The following EXOC4 variants were observed in gnomAD, a reference collection of about 807,000 sequenced individuals.
The protein encoded by EXOC4 is exocyst complex component 4, also known as SEC8-like 1.
EXOC4 carries 71 observed loss-of-function variants against 107.2 expected under a neutral mutation model. The observed-to-expected ratio is 0.66, with a 90% CI of 0.55 to 0.81. The LOEUF (loss-of-function observed/expected upper bound fraction) is 0.81. Among genes scored for constraint, EXOC4 ranks in the 30% least tolerant of loss-of-function variants. The pLI, the probability that EXOC4 is intolerant of heterozygous loss-of-function variation, is 0.00. For synonymous variants in EXOC4, 456 were observed against 441.2 expected, an observed-to-expected ratio of 1.03 and a Z score of -0.42; for missense variants, 1,108 against 1,189.6, an observed-to-expected ratio of 0.93 and a Z score of 1.01.
chr7:134,051,199 A>T (rs929015151), intron 17 of EXOC4, among the ~76,000 whole-genome samples: 2 of 152,226 alleles, frequency 1.3e-5, no homozygotes, highest in African/African-American at 2.4e-5. Flanking sequence ...CTGAGAAACC[A>T]GATCTTGAGA....
At chr7:133,824,722 G>A (rs768692388) in intron 11 of EXOC4, among the ~76,000 whole-genome samples, 1 of 152,044 alleles carries the variant, frequency 6.6e-6, no homozygotes, top group Non-Finnish European at 1.5e-5. Context: ...TCAGCTTCTG[G>A]TGGCTCCCGT....
intron 6 of EXOC4, among the ~76,000 whole-genome samples, chr7:133,369,207 A>G (rs928194603): frequency 2.6e-5 from 4 of 152,186 alleles, no homozygotes; most frequent in Non-Finnish European, 4.4e-5. Flanking sequence ...GGGACAAGCT[A>G]GTGCAGATTT....
At chr7:133,820,154 A>ATTTTTTTTTTTTTTTTTTTTTTTTG (rs35640945) in intron 11 of EXOC4, among the ~76,000 whole-genome samples, 1 of 70,300 alleles carries the variant, frequency 1.4e-5, no homozygotes, top group African/African-American at 5.4e-5. Flanking sequence ...CACCTGCTTC[A>ATTTTTTTTTTTTTTTTTTTTTTTTG]TTTTTTTTTT....
At chr7:134,014,494 A>G (rs1428934644) in intron 17 of EXOC4, among the ~76,000 whole-genome samples, 1 of 152,232 alleles carries the variant, frequency 6.6e-6, no homozygotes, top group Non-Finnish European at 1.5e-5. Flanking sequence ...GGCCACAGAA[A>G]GACATGATGT....
chr7:133,499,829 T>G (rs1005554235), intron 9 of EXOC4, among the ~76,000 whole-genome samples: 11 of 152,132 alleles, frequency 7.2e-5, no homozygotes, highest in Admixed American at 2.0e-4. Flanking sequence ...AATTATACAT[T>G]TCCTGGGGCC....
At chr7:133,670,882 A>G (rs1030588667) in intron 10 of EXOC4, among the ~76,000 whole-genome samples, 2 of 152,216 alleles carry the variant, frequency 1.3e-5, no homozygotes, top group African/African-American at 4.8e-5. Context: ...GGGGCAGACA[A>G]TAAGCAAATG....
At chr7:133,523,453 T>TC (rs1800018456) in intron 9 of EXOC4, among the ~76,000 whole-genome samples, 1 of 151,034 alleles carries the variant, frequency 6.6e-6, no homozygotes, top group Admixed American at 6.6e-5. Flanking sequence ...TTTTTTTTTT[T>TC]AATTATACTT....
chr7:133,636,393 C>T (rs1802712227), intron 10 of EXOC4, among the ~76,000 whole-genome samples: 2 of 152,306 alleles, frequency 1.3e-5, no homozygotes, highest in Admixed American at 6.5e-5. Context: ...TTTAGGGAAT[C>T]TGAAGGCCTG....
At chr7:133,669,673 A>C (rs1476621995) in intron 10 of EXOC4, among the ~76,000 whole-genome samples, 2 of 152,226 alleles carry the variant, frequency 1.3e-5, no homozygotes, top group South Asian at 4.1e-4. Context: ...AGAAATTTAT[A>C]GTGAAATGCA....
At chr7:134,047,974 T>A (rs1230934553) in intron 17 of EXOC4, among the ~76,000 whole-genome samples, 1 of 152,172 alleles carries the variant, frequency 6.6e-6, no homozygotes. Context: ...AATTCAGGGA[T>A]CAGGGTTTTT....
chr7:133,899,257 C>G (rs547672046), intron 12 of EXOC4, among the ~76,000 whole-genome samples: 3 of 152,244 alleles, frequency 2.0e-5, no homozygotes, highest in South Asian at 4.1e-4. Flanking sequence ...GAATGTAAAT[C>G]CCACTGATAG....
At chr7:133,451,087 C>T (rs990072539) in intron 7 of EXOC4, among the ~76,000 whole-genome samples, 4 of 152,164 alleles carry the variant, frequency 2.6e-5, no homozygotes, top group African/African-American at 7.2e-5. Flanking sequence ...AGATTACTTT[C>T]CTTCCACTGA....
chr7:133,755,285 T>TTAATGTATA (rs1795887820), intron 10 of EXOC4, among the ~76,000 whole-genome samples: 1 of 105,002 alleles, frequency 9.5e-6, no homozygotes, highest in Non-Finnish European at 1.9e-5. Context: ...ATATATATTA[T>TTAATGTATA]ATACATATTA....
chr7:133,913,850 G>A (rs926116387), intron 12 of EXOC4, among the ~76,000 whole-genome samples: 2 of 152,202 alleles, frequency 1.3e-5, no homozygotes. Flanking sequence ...GCCCAAGTCA[G>A]CAATGCAGAA....
At chr7:134,034,244 T>C (rs1448887665) in intron 17 of EXOC4, among the ~76,000 whole-genome samples, 3 of 151,900 alleles carry the variant, frequency 2.0e-5, no homozygotes, top group African/African-American at 7.3e-5. Flanking sequence ...AAAAAGAACC[T>C]AAGATGTGAA....
intron 11 of EXOC4, among the ~76,000 whole-genome samples, chr7:133,822,333 T>G (rs532369388): frequency 0.015 from 2,343 of 152,304 alleles, 58 homozygotes; most frequent in African/African-American, 0.053. Flanking sequence ...TGGTTTACCA[T>G]TGATTTGGAG....
intron 9 of EXOC4, among the ~76,000 whole-genome samples, chr7:133,605,023 C>T (rs1801906110): frequency 6.6e-6 from 1 of 152,196 alleles, no homozygotes; most frequent in African/African-American, 2.4e-5. Flanking sequence ...CCACACCCAG[C>T]CTCTAGCTCT....
intron 8 of EXOC4, among the ~76,000 whole-genome samples, chr7:133,475,969 A>G (rs1046045689): frequency 2.0e-5 from 3 of 152,140 alleles, no homozygotes; most frequent in Admixed American, 6.5e-5. Flanking sequence ...CCATGTGCCC[A>G]AAGTGTATAT....
chr7:134,097,212 C>T, the EXOC4 span, among the ~76,000 whole-genome samples: 1 of 151,972 alleles, frequency 6.6e-6, no homozygotes, highest in Non-Finnish European at 1.5e-5. Flanking sequence ...TGGAGTGGAA[C>T]CGGGTAATAT....
Sources: allele counts gnomAD v4.1 joint callset (sites outside exome capture counted in the v4.1 genomes callset), GRCh38; gene constraint gnomAD v4.1.1; transcripts MANE v1.5; gene names NCBI Gene and HGNC (gene_info 2026-07-23, HGNC 2026-07-21).